The following DCDC2C variants were observed in gnomAD, a reference collection of about 807,000 sequenced individuals.
DCDC2C encodes doublecortin domain-containing protein 2C.
A neutral mutation model predicts 45.0 loss-of-function variants in DCDC2C; 44 were observed. The ratio of observed to expected loss-of-function variants is 0.98; its 90% confidence interval spans 0.77 to 1.26. DCDC2C has a LOEUF of 1.26. Among genes scored for constraint, DCDC2C ranks in the 50% most tolerant of loss-of-function variants. The pLI is 0.00. For synonymous variants in DCDC2C, 187 were observed against 178.8 expected (o/e 1.05, Z -0.37); for missense variants, 447 against 468.9 (o/e 0.95, Z 0.43).
At chr2:3,774,304 C>A (rs555021287) in intron 8 of DCDC2C, among the ~76,000 whole-genome samples, 2 of 152,284 alleles carry the variant, frequency 1.3e-5, no homozygotes, top group East Asian at 3.9e-4. Context: ...CTGTAAGGAA[C>A]GGGAAACTTC....
chr2:3,769,469 C>G (rs1670106175), intron 8 of DCDC2C, 58 bp downstream of exon 8: 2 of 1,454,540 alleles, frequency 1.4e-6, no homozygotes, highest in Non-Finnish European at 1.9e-6. Flanking sequence ...CAGCTCCTGC[C>G]CGCCTCAGCG....
At chr2:3,787,449 G>T (rs61703895) in intron 10 of DCDC2C, among the ~76,000 whole-genome samples, 4,987 of 152,158 alleles carry the variant, frequency 0.033, 279 homozygotes, top group African/African-American at 0.11. Context: ...GTTGTTACTG[G>T]TATTCTCTAA....
At chr2:3,788,821 GCCTTCCCTC>G (rs1670726634) in intron 10 of DCDC2C, among the ~76,000 whole-genome samples, 1 of 81,818 alleles carries the variant, frequency 1.2e-5, no homozygotes, top group African/African-American at 5.9e-5. Flanking sequence ...CTCCCTTCCT[GCCTTCCCTC>G]CCTTCCCCAA....
At chr2:3,811,940 G>T (rs1671406669) in intron 10 of DCDC2C, among the ~76,000 whole-genome samples, 1 of 152,158 alleles carries the variant, frequency 6.6e-6, no homozygotes, top group African/African-American at 2.4e-5. Flanking sequence ...TGACTTCATT[G>T]TGGTGGATAA....
intron 6 of DCDC2C, among the ~76,000 whole-genome samples, chr2:3,760,368 A>G (rs1420764105): frequency 6.6e-6 from 1 of 152,238 alleles, no homozygotes; most frequent in Non-Finnish European, 1.5e-5. Flanking sequence ...TGCTATAAAG[A>G]CACATGCACC....
intron 8 of DCDC2C, among the ~76,000 whole-genome samples, chr2:3,773,572 C>G (rs1670245426): frequency 6.6e-6 from 1 of 152,210 alleles, no homozygotes; most frequent in Admixed American, 6.5e-5. Flanking sequence ...GATGTTAAAA[C>G]ATTAATGTTG....
rs1222331956 is a variant in DCDC2C at position 3,759,076 on chromosome 2, T to C, written c.726+4442T>C. On this transcript the variant is annotated intron_variant, in intron 6 of 10. Transcript: ENST00000399143. ...AGGATTGCCTTCGACTCTGCAGGGC[T>C]GAAGCACCAGCACCAAAATGTGCAG... Among the ~76,000 whole-genome samples, 3 of 152,326 alleles carry C rather than the reference T, an allele frequency of 2.0e-5. No homozygotes were observed. In the South Asian group the frequency reaches 6.2e-4, roughly 32 times the overall value.
chr2:3,847,109 A>G (rs1440327811), intron 10 of DCDC2C, 45 bp from the exon 11 acceptor site: 1 of 1,219,248 alleles, frequency 8.2e-7, no homozygotes, highest in Non-Finnish European at 1.0e-6. Flanking sequence ...GCCAGATCAC[A>G]GCTTGAAGAT....
intron 10 of DCDC2C, among the ~76,000 whole-genome samples, chr2:3,797,153 G>A (rs968419426): frequency 2.0e-5 from 3 of 152,160 alleles, no homozygotes; most frequent in African/African-American, 4.8e-5. Context: ...TAGTTTATTT[G>A]CGTAGAGTTG....
intron 10 of DCDC2C, among the ~76,000 whole-genome samples, chr2:3,802,116 A>C (rs1477284498): frequency 6.6e-6 from 1 of 152,242 alleles, no homozygotes; most frequent in Non-Finnish European, 1.5e-5. Flanking sequence ...TTTGTCGTTC[A>C]TGGAAAGTTA....
intron 6 of DCDC2C, among the ~76,000 whole-genome samples, chr2:3,757,776 A>T (rs186087770): frequency 1.8e-4 from 28 of 152,318 alleles, no homozygotes; most frequent in Admixed American, 1.8e-3. Context: ...CCCAGTAATT[A>T]AATCACCCCA....
intron 3 of DCDC2C, among the ~76,000 whole-genome samples, chr2:3,732,244 G>A (rs1040696516): frequency 6.6e-6 from 1 of 151,968 alleles, no homozygotes; most frequent in African/African-American, 2.4e-5. Context: ...AGAATCTATG[G>A]GCTCTTGTTC....
intron 10 of DCDC2C, among the ~76,000 whole-genome samples, chr2:3,800,584 C>T (rs1306864625): frequency 6.6e-6 from 1 of 152,226 alleles, no homozygotes; most frequent in Non-Finnish European, 1.5e-5. Context: ...TCTAGTTCAG[C>T]TTGCAATGTG....
intron 2 of DCDC2C, among the ~76,000 whole-genome samples, chr2:3,715,794 A>G (rs1466324651): frequency 1.3e-5 from 2 of 152,226 alleles, no homozygotes; most frequent in African/African-American, 2.4e-5. Flanking sequence ...ACAAAAAGGA[A>G]AAACATCTCT....
At chr2:3,814,667 A>G (rs1231528847) in intron 10 of DCDC2C, among the ~76,000 whole-genome samples, 1 of 152,238 alleles carries the variant, frequency 6.6e-6, no homozygotes, top group Non-Finnish European at 1.5e-5. Context: ...GGAAATGCTA[A>G]GTCTGCTGGT....
chr2:3,818,970 G>A lies in DCDC2C; in HGVS notation c.1066-28184G>A, dbSNP rs1006344025. On this transcript the variant is annotated intron_variant, in intron 10 of 10. Transcript: ENST00000399143. The surrounding 1 kb of genome is among the most constrained non-coding windows in gnomAD (Gnocchi z 4.7). ...GCACCAGAGTTGTGGAGTTTTAAGAGGTTTAGAAGCCTGGCTGTCAATAGC... is the reference window on the plus strand; with the variant it reads ...GCACCAGAGTTGTGGAGTTTTAAGAAGTTTAGAAGCCTGGCTGTCAATAGC... Among the ~76,000 whole-genome samples, 6 of 152,182 alleles carry A rather than the reference G, an allele frequency of 3.9e-5. No homozygotes were observed. The highest frequency in any genetic ancestry group is 1.4e-4 in the African/African-American group (6 of 41,410).
chr2:3,705,098 C>A (rs1053692845), intron 1 of DCDC2C, among the ~76,000 whole-genome samples: 1 of 152,146 alleles, frequency 6.6e-6, no homozygotes, highest in Non-Finnish European at 1.5e-5. Flanking sequence ...GCTCTCCGTT[C>A]AAAAATGCTC....
chr2:3,753,812 A>G (rs1669611386), intron 5 of DCDC2C, among the ~76,000 whole-genome samples: 2 of 152,198 alleles, frequency 1.3e-5, no homozygotes, highest in African/African-American at 2.4e-5. Flanking sequence ...ACCTCAAGGC[A>G]GAGAAAGGCT....
chr2:3,754,556 C>A (rs374468617), intron 5 of DCDC2C, 36 bp from the exon 6 acceptor site: 1 of 1,545,724 alleles, frequency 6.5e-7, no homozygotes, highest in Admixed American at 2.0e-5. Context: ...TAGGGCCGGG[C>A]TTTACATTTC....
Sources: gnomAD v4.1 joint callset for allele counts (sites outside exome capture counted in the v4.1 genomes callset) on GRCh38, gnomAD v4.1.1 for gene constraint, Gnocchi (gnomAD v3.1) non-coding constraint, MANE v1.5 for transcripts, NCBI Gene and HGNC (gene_info 2026-07-23, HGNC 2026-07-21) for gene names.